Variants in MRPS28 observed in about 807,000 individuals in gnomAD.
MRPS28 encodes the protein small ribosomal subunit protein bS1m.
MRPS28 carries 7 observed loss-of-function variants against 10.8 expected under a neutral mutation model. The ratio of observed to expected loss-of-function variants is 0.65; its 90% CI spans 0.37 to 1.22. The LOEUF (loss-of-function observed/expected upper bound fraction) is 1.22. Among genes scored for constraint, MRPS28 ranks in the 50% most tolerant of loss-of-function variants. The pLI is 0.02. For missense variants in MRPS28, 265 were observed against 232.9 expected (o/e 1.14, Z -0.90); for synonymous variants, 121 against 93.3 (o/e 1.30, Z -1.71).
chr8:79,935,133 TA>T (rs903237622), intron 2 of MRPS28, among the ~76,000 whole-genome samples: 10 of 152,234 alleles, frequency 6.6e-5, no homozygotes, highest in African/African-American at 2.4e-4. Flanking sequence ...GTACTGTCTC[TA>T]TTGAAAATCA....
Position 79,929,536 on chromosome 8 carries a change from A to C in MRPS28, c.396-10388T>G, listed in dbSNP as rs371484199. On this transcript the variant is annotated intron_variant, in intron 2 of 2. Coordinates refer to ENST00000276585, the MANE Select transcript of MRPS28 (RefSeq NM_014018.3). ...GAAAAAAACAGCAAGAGGACCCTAA[A>C]CCTGTCTGAATTTGCAAGGGTTTAA... Among the ~76,000 whole-genome samples, 364 of 152,196 alleles carry C rather than the reference A, an allele frequency of 2.4e-3. 2 individuals are homozygous for C. Among genetic ancestry groups the C allele is most frequent in the African/African-American group, 8.4e-3 (349 of 41,526 alleles).
At chr8:79,968,195 G>A (rs1194894910) in intron 2 of MRPS28, among the ~76,000 whole-genome samples, 5 of 151,924 alleles carry the variant, frequency 3.3e-5, no homozygotes, top group Admixed American at 2.0e-4. Context: ...TGACTGCCCT[G>A]CCTCCAAATC....
chr8:79,985,277 T>A (rs970087466), intron 2 of MRPS28, among the ~76,000 whole-genome samples: 1 of 152,018 alleles, frequency 6.6e-6, no homozygotes, highest in Non-Finnish European at 1.5e-5. Flanking sequence ...GTCAAATCAG[T>A]GTGTAGAGGG....
intron 2 of MRPS28, among the ~76,000 whole-genome samples, chr8:79,988,836 C>T (rs1282950226): frequency 6.6e-6 from 1 of 152,158 alleles, no homozygotes; most frequent in Admixed American, 6.5e-5. Context: ...CTTCCTGTTA[C>T]TTGTCTTGCT....
intron 2 of MRPS28, among the ~76,000 whole-genome samples, chr8:79,974,566 T>C (rs1464617431): frequency 3.5e-5 from 5 of 142,402 alleles, no homozygotes; most frequent in Non-Finnish European, 7.7e-5. Context: ...CAAAACAAAA[T>C]AAAAAAACAA....
chr8:79,967,415 AT>A (rs1807529984), intron 2 of MRPS28, among the ~76,000 whole-genome samples: 1 of 152,122 alleles, frequency 6.6e-6, no homozygotes, highest in African/African-American at 2.4e-5. Context: ...CCAATTCCCA[AT>A]TCCAGGGGAC....
chr8:80,026,710 A>G (rs1320714254), intron 1 of MRPS28, among the ~76,000 whole-genome samples: 2 of 152,188 alleles, frequency 1.3e-5, no homozygotes, highest in Non-Finnish European at 2.9e-5. Context: ...ACAAGTTAAC[A>G]TATTAGTGAT....
intron 2 of MRPS28, among the ~76,000 whole-genome samples, chr8:79,953,558 A>G (rs1807131489): frequency 6.6e-6 from 1 of 152,216 alleles, no homozygotes; most frequent in Non-Finnish European, 1.5e-5. Context: ...ATATACTAAA[A>G]TCAATTCCAG....
intron 2 of MRPS28, chr8:79,957,211 A>G (rs1240209469): frequency 6.6e-6 from 1 of 152,006 alleles, no homozygotes; most frequent in Non-Finnish European, 1.5e-5. Context: ...ATCTTCCATA[A>G]TATCTTGGGG....
chr8:80,010,346 G>A (rs1457512663), intron 1 of MRPS28, among the ~76,000 whole-genome samples: 1 of 152,126 alleles, frequency 6.6e-6, no homozygotes, highest in East Asian at 1.9e-4. Flanking sequence ...TTGTTATTCG[G>A]GGAGAACTAC....
At chr8:79,939,375 C>A (rs1806696067) in intron 2 of MRPS28, among the ~76,000 whole-genome samples, 1 of 152,108 alleles carries the variant, frequency 6.6e-6, no homozygotes, top group African/African-American at 2.4e-5. Context: ...AGAAAATACA[C>A]CTAGTTAGTG....
chr8:79,995,989 T>C (rs1468449717), intron 2 of MRPS28, among the ~76,000 whole-genome samples: 1 of 152,210 alleles, frequency 6.6e-6, no homozygotes, highest in East Asian at 1.9e-4. Flanking sequence ...TATGCAGCAA[T>C]AATTCTGTAT....
chr8:79,951,673 A>G (rs1213058412), intron 2 of MRPS28, among the ~76,000 whole-genome samples: 2 of 152,240 alleles, frequency 1.3e-5, no homozygotes, highest in Admixed American at 1.3e-4. Flanking sequence ...GGCCAACAGT[A>G]TATGAAGGAA....
intron 2 of MRPS28, among the ~76,000 whole-genome samples, chr8:79,995,060 G>A (rs1168474260): frequency 6.6e-6 from 1 of 152,126 alleles, no homozygotes; most frequent in Non-Finnish European, 1.5e-5. Context: ...CTCCATGCCT[G>A]TAGAATACAA....
intron 2 of MRPS28, among the ~76,000 whole-genome samples, chr8:79,970,920 A>G (rs921457717): frequency 6.6e-6 from 1 of 152,234 alleles, no homozygotes; most frequent in Non-Finnish European, 1.5e-5. Flanking sequence ...ACTCAGTGGC[A>G]CCACATGTAT....
At chr8:79,999,682 C>T (rs1808606494) in intron 2 of MRPS28, among the ~76,000 whole-genome samples, 1 of 152,166 alleles carries the variant, frequency 6.6e-6, no homozygotes, top group Non-Finnish European at 1.5e-5. Flanking sequence ...GAGTTGTTAT[C>T]TACATAGCCG....
chr8:80,011,701 C>A (rs561929228), intron 1 of MRPS28, among the ~76,000 whole-genome samples: 18 of 151,712 alleles, frequency 1.2e-4, no homozygotes, highest in African/African-American at 4.4e-4. Context: ...TGCAGTGAGC[C>A]GAGATGGCAC....
At chr8:79,920,498 T>C (rs1035010709) in intron 2 of MRPS28, among the ~76,000 whole-genome samples, 3 of 152,220 alleles carry the variant, frequency 2.0e-5, no homozygotes, top group Admixed American at 6.5e-5. Flanking sequence ...TGGTGTGAGA[T>C]GGTTATCCCA....
intron 2 of MRPS28, among the ~76,000 whole-genome samples, chr8:79,987,280 A>G (rs4557745): frequency 0.016 from 2,483 of 152,044 alleles, 76 homozygotes; most frequent in African/African-American, 0.056. Flanking sequence ...TCAATTCAAG[A>G]TGGATTAAAG....
Sources: gnomAD v4.1 joint callset for allele counts (sites outside exome capture counted in the v4.1 genomes callset) on GRCh38, gnomAD v4.1.1 for gene constraint, MANE v1.5 for transcripts, NCBI Gene and HGNC (gene_info 2026-07-23, HGNC 2026-07-21) for gene names.